Variants in TMEM132D observed in about 807,000 individuals in gnomAD.
The protein encoded by TMEM132D is mature OL transmembrane protein.
Under a neutral mutation model 62.3 loss-of-function variants are expected in TMEM132D, and 21 were observed. The ratio of observed to expected loss-of-function variants is 0.34; its 90% CI spans 0.24 to 0.49. The LOEUF (loss-of-function observed/expected upper bound fraction) is 0.49, where lower values mean the gene tolerates loss of function less well. TMEM132D is among the 20% of genes least tolerant of loss of function. The pLI is 0.99. For missense variants in TMEM132D, 1,346 were observed against 1,402.8 expected, an observed-to-expected ratio of 0.96 and a Z score of 0.65; for synonymous variants, 621 against 575.6, an observed-to-expected ratio of 1.08 and a Z score of -1.13.
intron 3 of TMEM132D, among the ~76,000 whole-genome samples, chr12:129,494,727 T>A (rs1874896695): frequency 6.6e-6 from 1 of 152,086 alleles, no homozygotes; most frequent in Admixed American, 6.6e-5. Context: ...AGTTCTCATA[T>A]CCTCCTACAA....
At chr12:129,410,176 C>T (rs1871922584) in intron 3 of TMEM132D, among the ~76,000 whole-genome samples, 1 of 152,104 alleles carries the variant, frequency 6.6e-6, no homozygotes, top group Non-Finnish European at 1.5e-5. Flanking sequence ...CACCGAGGAT[C>T]TGAGCTTTTC....
At chr12:129,711,415 G>T (rs1418219624) in intron 1 of TMEM132D, among the ~76,000 whole-genome samples, 3 of 152,134 alleles carry the variant, frequency 2.0e-5, no homozygotes, top group African/African-American at 7.2e-5. Flanking sequence ...CTGCTCAAAT[G>T]GGCGGTTGTT....
intron 5 of TMEM132D, among the ~76,000 whole-genome samples, chr12:129,114,089 G>A (rs1565968706): frequency 1.3e-5 from 2 of 152,148 alleles, no homozygotes; most frequent in Non-Finnish European, 1.5e-5. Context: ...GCAACAGACA[G>A]TCCAACATCA....
intron 3 of TMEM132D, among the ~76,000 whole-genome samples, chr12:129,439,967 G>T (rs1466612224): frequency 2.0e-5 from 3 of 152,124 alleles, no homozygotes; most frequent in Non-Finnish European, 4.4e-5. Context: ...TGTTTTCCGT[G>T]TTCCCCAAGA....
At chr12:129,174,432 T>C (rs1877840884) in intron 5 of TMEM132D, among the ~76,000 whole-genome samples, 1 of 152,258 alleles carries the variant, frequency 6.6e-6, no homozygotes, top group South Asian at 2.1e-4. Context: ...GGTTGTGTAT[T>C]ATTCCATGGT....
intron 4 of TMEM132D, among the ~76,000 whole-genome samples, chr12:129,283,325 G>A (rs1476232868): frequency 1.3e-5 from 2 of 152,142 alleles, no homozygotes; most frequent in Non-Finnish European, 2.9e-5. Flanking sequence ...CCCAGTAGCT[G>A]GGATTACAGG....
intron 3 of TMEM132D, among the ~76,000 whole-genome samples, chr12:129,471,043 G>A (rs777921257): frequency 2.6e-5 from 4 of 152,102 alleles, no homozygotes; most frequent in Non-Finnish European, 4.4e-5. Flanking sequence ...TTTGACTCAT[G>A]TTTATTATCT....
chr12:129,685,815 C>T (rs1415561625), intron 2 of TMEM132D, among the ~76,000 whole-genome samples: 1 of 152,170 alleles, frequency 6.6e-6, no homozygotes, highest in African/African-American at 2.4e-5. Context: ...CCATAGGAGC[C>T]CACCTCTTGC....
chr12:129,095,104 G>C (rs1277737372), intron 5 of TMEM132D, among the ~76,000 whole-genome samples: 1 of 151,814 alleles, frequency 6.6e-6, no homozygotes, highest in African/African-American at 2.4e-5. Context: ...AATGGGTGCA[G>C]CCCACCAACA....
At chr12:129,291,955 T>G (rs974736338) in intron 4 of TMEM132D, among the ~76,000 whole-genome samples, 1 of 151,872 alleles carries the variant, frequency 6.6e-6, no homozygotes, top group Non-Finnish European at 1.5e-5. Flanking sequence ...TTAAGGGGGA[T>G]GGGGGGAGTA....
chr12:129,467,646 G>A (rs1324105940), intron 3 of TMEM132D, among the ~76,000 whole-genome samples: 1 of 152,188 alleles, frequency 6.6e-6, no homozygotes, highest in East Asian at 1.9e-4. Context: ...ACATGCCAAG[G>A]TCAAGTCATT....
In TMEM132D at chr12:129,357,569, GAA is replaced by G. The variant is rs1165502382; in HGVS notation, c.1116-19754_1116-19753del. ...AAAAGAAAGAAAGGAAGAAAGGAAA[GAA>G]TGCAAGGAAGGGAGAAAGAAAGGAG... On this transcript the variant is annotated intron_variant, in intron 3 of 8. Coordinates refer to ENST00000422113, the MANE Select transcript of TMEM132D (RefSeq NM_133448.3). Among the ~76,000 whole-genome samples, 16 of 151,462 alleles carry G rather than the reference GAA, an allele frequency of 1.1e-4. 1 individual carries two copies. The highest frequency in any genetic ancestry group is 2.9e-5 in the Non-Finnish European group (2 of 67,914).
At chr12:129,092,504 G>A (rs1160914148) in intron 5 of TMEM132D, among the ~76,000 whole-genome samples, 3 of 151,934 alleles carry the variant, frequency 2.0e-5, no homozygotes, top group Non-Finnish European at 2.9e-5. Flanking sequence ...CGACCAGCCC[G>A]GCCAACATGG....
rs552387446 is a variant in TMEM132D, at chr12:129,132,308, TG to T, written c.1444-47607del. On this transcript the variant is annotated intron_variant, in intron 5 of 8. Coordinates refer to ENST00000422113, the MANE Select transcript of TMEM132D (RefSeq NM_133448.3). ...ATCTTGTTTTGAGGAAACAAGAATA[TG>T]GTCCTTAGGCCTTGCAGAATATTTA... 9.1e-4 allele frequency among the ~76,000 whole-genome samples: 139 copies of T among 152,330 alleles called. 1 individual carries two copies. The highest frequency in any genetic ancestry group is 3.2e-3 in the African/African-American group (134 of 41,582).
intron 4 of TMEM132D, among the ~76,000 whole-genome samples, chr12:129,236,850 T>G (rs2135581932): frequency 6.6e-6 from 1 of 152,310 alleles, no homozygotes; most frequent in Middle Eastern, 3.4e-3. Flanking sequence ...GAGTATGATG[T>G]TAGTTGTGAG....
chr12:129,241,039 G>T (rs983491152), intron 4 of TMEM132D, among the ~76,000 whole-genome samples: 1 of 151,124 alleles, frequency 6.6e-6, no homozygotes, highest in Non-Finnish European at 1.5e-5. Context: ...CTGTGTTTGG[G>T]TGATATAAAT....
intron 4 of TMEM132D, among the ~76,000 whole-genome samples, chr12:129,292,103 G>A (rs1223320858): frequency 6.6e-6 from 1 of 152,174 alleles, no homozygotes; most frequent in African/African-American, 2.4e-5. Flanking sequence ...ATAAGCATGA[G>A]CTGGAAGAAT....
At chr12:129,595,583 G>A (rs145319396) in intron 2 of TMEM132D, among the ~76,000 whole-genome samples, 203 of 152,316 alleles carry the variant, frequency 1.3e-3, no homozygotes, top group African/African-American at 4.6e-3. Flanking sequence ...GTCATGCTTT[G>A]GTCAACAGAA....
chr12:129,341,928 A>G (rs1869502255), intron 3 of TMEM132D, among the ~76,000 whole-genome samples: 4 of 152,188 alleles, frequency 2.6e-5, no homozygotes, highest in Admixed American at 2.6e-4. Flanking sequence ...ATAAAAGAGG[A>G]TACAAACAAA....
Sources: allele counts gnomAD v4.1 joint callset (sites outside exome capture counted in the v4.1 genomes callset), GRCh38; gene constraint gnomAD v4.1.1; transcripts MANE v1.5; gene names NCBI Gene and HGNC (gene_info 2026-07-23, HGNC 2026-07-21).